The following WNK1 variants were observed in gnomAD, a reference collection of about 807,000 sequenced individuals.
The protein encoded by WNK1 is WNK lysine deficient protein kinase 1, also known as serine/threonine-protein kinase WNK1.
Under a neutral mutation model 222.8 loss-of-function variants are expected in WNK1, and 38 were observed. The observed-to-expected ratio is 0.17, with a 90% CI of 0.13 to 0.22. The LOEUF is 0.22. WNK1 is among the 10% of genes least tolerant of loss of function. The pLI, the probability that WNK1 is intolerant of heterozygous loss-of-function variation, is 1.00. For synonymous variants in WNK1, 1,090 were observed against 1,092.9 expected, an observed-to-expected ratio of 1.00 and a Z score of 0.05; for missense variants, 2,348 against 2,918.4, an observed-to-expected ratio of 0.80 and a Z score of 4.50.
chr12:771,419 C>G (rs187997553), intron 1 of WNK1, among the ~76,000 whole-genome samples: 64 of 152,236 alleles, frequency 4.2e-4, no homozygotes, highest in Middle Eastern at 3.4e-3. Flanking sequence ...GTGTCTGTCT[C>G]TTGCTTATGA....
chr12:786,820 C>CA (rs1280735979), intron 1 of WNK1, among the ~76,000 whole-genome samples: 1 of 152,066 alleles, frequency 6.6e-6, no homozygotes, highest in Non-Finnish European at 1.5e-5. Context: ...TATAAATAAA[C>CA]AGTGTTTAGA....
At chr12:859,568 A>G in intron 6 of WNK1, 104 bp downstream of exon 6, 1 of 840,134 alleles carries the variant, frequency 1.2e-6, no homozygotes, top group African/African-American at 1.7e-5. Context: ...GGCATATCCC[A>G]TTGACATAAA....
rs1418043460 is a variant in WNK1 at position 883,546 on chromosome 12, A to C, written c.3641A>C (p.Asp1214Ala). ...QGLESLQGKD[D>A]YGFSGSQKLE... is the part of the protein sequence containing the mutation. ...TTGGAGAGTCTACAAGGAAAGGATG[A>C]CTATGGCTTTTCAGGTTCTCAGGTA... is the stretch of plus-strand genomic sequence containing the variant. The change falls in exon 16 of 28, where the codon GAC becomes GCC. Residue 1214 changes from aspartate (D) to alanine (A), a missense_variant. Around this residue, in one of 13 missense-constraint regions of WNK1, gnomAD observed 1,144 missense variants for 1,273.6 expected, o/e 0.90. Coordinates refer to ENST00000315939, the MANE Select transcript of WNK1 (RefSeq NM_018979.4). The C allele has an allele frequency of 6.2e-7, 1 of 1,614,220 alleles. No individual in the cohort carries two copies.
intron 2 of WNK1, among the ~76,000 whole-genome samples, chr12:824,044 C>T (rs557741437): frequency 4.1e-4 from 62 of 151,528 alleles, no homozygotes; most frequent in African/African-American, 1.5e-3. Flanking sequence ...GTAGCTGGGG[C>T]TATAGGCACA....
chr12:773,951 A>G (rs1297542699), intron 1 of WNK1, among the ~76,000 whole-genome samples: 2 of 152,200 alleles, frequency 1.3e-5, no homozygotes, highest in African/African-American at 2.4e-5. Flanking sequence ...GTAACCATGA[A>G]ATAATATTTC....
At chr12:870,431 C>T (rs1165949860) in intron 8 of WNK1, among the ~76,000 whole-genome samples, 6 of 152,080 alleles carry the variant, frequency 3.9e-5, no homozygotes, top group Admixed American at 3.3e-4. Flanking sequence ...GATATTATAT[C>T]CATGTAAGCT....
At chr12:780,225 G>T (rs578177582) in intron 1 of WNK1, among the ~76,000 whole-genome samples, 6 of 152,164 alleles carry the variant, frequency 3.9e-5, no homozygotes, top group Non-Finnish European at 1.5e-5. Flanking sequence ...TGTCAGTGAA[G>T]ATTTATTTAT....
At chr12:806,265 A>G (rs1443475171) in intron 1 of WNK1, among the ~76,000 whole-genome samples, 2 of 152,236 alleles carry the variant, frequency 1.3e-5, no homozygotes, top group Admixed American at 6.5e-5. Flanking sequence ...AGAAATAAGC[A>G]TGGCATGTGA....
chr12:904,581 T>G, intron 26 of WNK1: 1 of 889,514 alleles, frequency 1.1e-6, no homozygotes, highest in Non-Finnish European at 1.6e-6. Context: ...CATAGCTCCC[T>G]GATTCCTAAC....
At chr12:792,325 T>C (rs1173678990) in intron 1 of WNK1, among the ~76,000 whole-genome samples, 1 of 145,452 alleles carries the variant, frequency 6.9e-6, no homozygotes, top group Non-Finnish European at 1.5e-5. Context: ...TTTTTTTTTT[T>C]TTTTTGAGGC....
intron 4 of WNK1, among the ~76,000 whole-genome samples, chr12:854,147 C>T (rs1004452275): frequency 2.6e-5 from 4 of 151,888 alleles, no homozygotes; most frequent in East Asian, 4.0e-4. Flanking sequence ...GTAGGAGGAT[C>T]GGTTGAACCC....
At chr12:821,188 C>T (rs1221839636) in intron 2 of WNK1, among the ~76,000 whole-genome samples, 1 of 151,702 alleles carries the variant, frequency 6.6e-6, no homozygotes, top group Admixed American at 6.6e-5. Flanking sequence ...ATCACCCTTG[C>T]ATTTCATAGA....
At chr12:852,107 T>G (rs72648654) in intron 4 of WNK1, among the ~76,000 whole-genome samples, 8 of 152,242 alleles carry the variant, frequency 5.3e-5, no homozygotes, top group African/African-American at 1.9e-4. Context: ...TCTGAAAGAT[T>G]GCGTCAGAGA....
intron 4 of WNK1, among the ~76,000 whole-genome samples, chr12:856,041 T>C (rs916496766): frequency 4.0e-5 from 6 of 151,440 alleles, no homozygotes; most frequent in Admixed American, 6.6e-5. Context: ...GGTTTCACCA[T>C]GTTGGCCAGG....
At chr12:904,451 A>C in intron 26 of WNK1, 1 of 1,289,072 alleles carries the variant, frequency 7.8e-7, no homozygotes, top group Non-Finnish European at 1.0e-6. Context: ...TTTGTGCTTC[A>C]GGGAAGATGG....
intron 4 of WNK1, among the ~76,000 whole-genome samples, chr12:853,437 T>G (rs1352457450): frequency 6.6e-6 from 1 of 152,148 alleles, no homozygotes; most frequent in East Asian, 1.9e-4. Context: ...CTTTGGTGAT[T>G]GCCTTTATAC....
chr12:809,191 AG>A (rs1420133293), intron 1 of WNK1, among the ~76,000 whole-genome samples: 2 of 150,110 alleles, frequency 1.3e-5, no homozygotes, highest in Non-Finnish European at 3.0e-5. Flanking sequence ...TAGAACAACC[AG>A]GTAACCAGAT....
intron 1 of WNK1, among the ~76,000 whole-genome samples, chr12:813,292 A>G (rs1178014668): frequency 6.6e-6 from 1 of 152,248 alleles, no homozygotes; most frequent in Non-Finnish European, 1.5e-5. Flanking sequence ...GATTTTAATC[A>G]AGGCAAAGAT....
intron 4 of WNK1, among the ~76,000 whole-genome samples, chr12:853,644 C>T (rs2154057420): frequency 6.6e-6 from 1 of 152,288 alleles, no homozygotes; most frequent in South Asian, 2.1e-4. Context: ...TGTGCCTATG[C>T]TAGATTAAAA....
Sources: allele counts gnomAD v4.1 joint callset (sites outside exome capture counted in the v4.1 genomes callset), GRCh38; gene constraint gnomAD v4.1.1; regional missense constraint gnomAD v4.1.1; transcripts MANE v1.5; gene names NCBI Gene and HGNC (gene_info 2026-07-23, HGNC 2026-07-21).